The following JHY variants were observed in gnomAD, a reference collection of about 807,000 sequenced individuals.
The protein encoded by JHY is jhy protein homolog.
In JHY, 69 loss-of-function variants were observed where a neutral mutation model predicts 78.0. The ratio of observed to expected loss-of-function variants is 0.88; its 90% confidence interval spans 0.73 to 1.08. The LOEUF (loss-of-function observed/expected upper bound fraction) is 1.08, where lower values mean the gene tolerates loss of function less well. Ranked by LOEUF, JHY falls within the 50% of genes least tolerant of loss-of-function variation. The probability of loss-of-function intolerance (pLI) is 0.00; values close to 1 mark genes in which losing one functional copy is unlikely to be tolerated. For synonymous variants in JHY, 368 were observed against 342.6 expected, an observed-to-expected ratio of 1.07 and a Z score of -0.82; for missense variants, 944 against 927.8, an observed-to-expected ratio of 1.02 and a Z score of -0.23.
chr11:122,890,122 G>A (rs1462763914), intron 2 of JHY, among the ~76,000 whole-genome samples: 1 of 151,686 alleles, frequency 6.6e-6, no homozygotes, highest in Non-Finnish European at 1.5e-5. Flanking sequence ...GAATTGACAG[G>A]GTTTGGTGAC....
At chr11:122,925,186 C>T (rs1863470115) in intron 4 of JHY, among the ~76,000 whole-genome samples, 176 bp downstream of exon 4, 1 of 152,174 alleles carries the variant, frequency 6.6e-6, no homozygotes, top group African/African-American at 2.4e-5. Flanking sequence ...GCTCAGCCAG[C>T]CAACCCTACC....
chr11:122,941,217 A>G (rs947626809), intron 5 of JHY, among the ~76,000 whole-genome samples: 1 of 152,218 alleles, frequency 6.6e-6, no homozygotes, highest in Non-Finnish European at 1.5e-5. Context: ...TATTGCTTCT[A>G]GACTCAAGAT....
At chr11:122,955,105 A>G (rs974059396) in intron 6 of JHY, among the ~76,000 whole-genome samples, 4 of 152,146 alleles carry the variant, frequency 2.6e-5, no homozygotes, top group African/African-American at 9.7e-5. Context: ...GCGAGTCTAA[A>G]CTTCAGGGTT....
chr11:122,932,023 C>T (rs1219259917), intron 4 of JHY, among the ~76,000 whole-genome samples: 1 of 152,172 alleles, frequency 6.6e-6, no homozygotes, highest in Non-Finnish European at 1.5e-5. Context: ...TATGCAGCGA[C>T]TGCGGGTGTT....
intron 1 of JHY, among the ~76,000 whole-genome samples, chr11:122,884,974 A>ATT (rs11314367): frequency 7.6e-5 from 10 of 131,772 alleles, no homozygotes; most frequent in East Asian, 2.2e-4. Context: ...AATTTTTTGT[A>ATT]TTTTTTTTTT....
intron 6 of JHY, among the ~76,000 whole-genome samples, chr11:122,950,416 G>A (rs1864062906): frequency 6.6e-6 from 1 of 152,160 alleles, no homozygotes; most frequent in Admixed American, 6.5e-5. Context: ...GAATCTTCCA[G>A]GTTGGGGTTC....
chr11:122,913,502 C>T (rs191889206), intron 3 of JHY, among the ~76,000 whole-genome samples: 2 of 152,272 alleles, frequency 1.3e-5, no homozygotes, highest in African/African-American at 4.8e-5. Context: ...TAGCCTCATC[C>T]TTCATCAATC....
chr11:122,921,764 ACTTGAGT>A (rs1565321510), intron 3 of JHY, among the ~76,000 whole-genome samples: 1 of 152,154 alleles, frequency 6.6e-6, no homozygotes, highest in Non-Finnish European at 1.5e-5. Flanking sequence ...CAGGCCGATC[ACTTGAGT>A]CCATTAGTCT....
chr11:122,944,225 T>C (rs1863923417), intron 5 of JHY, among the ~76,000 whole-genome samples: 1 of 152,160 alleles, frequency 6.6e-6, no homozygotes, highest in African/African-American at 2.4e-5. Context: ...AAAAGCTACT[T>C]ACATTTATTG....
At chr11:122,929,233 G>GTTTT (rs1191384205) in intron 4 of JHY, among the ~76,000 whole-genome samples, 1 of 130,592 alleles carries the variant, frequency 7.7e-6, no homozygotes, top group African/African-American at 2.8e-5. Context: ...GGCCAAGGTT[G>GTTTT]TTTTTTGTTT....
chr11:122,901,331 A>G lies in JHY; in HGVS notation c.345-2594A>G, dbSNP rs190048318. ...GCAGGAGTGAATTTCAAGGCCTAGGACATTACTGTAAGCTACTGTGGACTT... is the reference window on the plus strand; with the variant it reads ...GCAGGAGTGAATTTCAAGGCCTAGGGCATTACTGTAAGCTACTGTGGACTT... On this transcript the variant is annotated intron_variant, in intron 2 of 8. Coordinates refer to ENST00000227349, the MANE Select transcript of JHY (RefSeq NM_024806.4). 1.8e-3 allele frequency among the ~76,000 whole-genome samples: 278 copies of G among 152,330 alleles called. 1 individual carries two copies. Among genetic ancestry groups the G allele is most frequent in the African/African-American group, 6.4e-3 (265 of 41,576 alleles).
intron 4 of JHY, among the ~76,000 whole-genome samples, chr11:122,926,187 CAAAAAAAAAAA>C (rs574945272): frequency 5.0e-5 from 2 of 40,082 alleles, no homozygotes; most frequent in South Asian, 1.9e-3. Context: ...GACTCCATCT[CAAAAAAAAAAA>C]AAAAAAAAGA....
At chr11:122,925,257 G>A (rs1719289304) in intron 4 of JHY, among the ~76,000 whole-genome samples, 1 of 152,144 alleles carries the variant, frequency 6.6e-6, no homozygotes, top group African/African-American at 2.4e-5. Context: ...CCAACATACT[G>A]AGTTAGAACC....
Position 122,934,981 on chromosome 11 carries a change from G to C in JHY, c.1540G>C (p.Val514Leu). ...VLLSQKGSQFVYHINTHGSTK... is the reference protein window; with the variant it reads ...VLLSQKGSQFLYHINTHGSTK... ...CCTGAGCCAGAAAGGCTCTCAGTTT[G>C]TTTATCACATAAATACTCATGGATC... The change falls in exon 5 of 9, where the codon GTT (valine) becomes CTT (leucine). Residue 514 changes from valine to leucine, a missense_variant. Val to Leu is a conservative substitution (Grantham distance 32). Transcript: ENST00000227349. The C allele has an allele frequency of 6.2e-7, 1 of 1,613,882 alleles. No individual in the cohort carries two copies.
chr11:122,905,888 A>G (rs553235592), intron 3 of JHY: 1 of 152,252 alleles, frequency 6.6e-6, no homozygotes, highest in African/African-American at 2.4e-5. Flanking sequence ...ATAAAAATAA[A>G]AAAAGAATGA....
chr11:122,888,269 G>A (rs529603206), intron 2 of JHY, among the ~76,000 whole-genome samples: 22 of 152,272 alleles, frequency 1.4e-4, no homozygotes, highest in African/African-American at 4.6e-4. Flanking sequence ...ATGCAGCAGC[G>A]TTTAAGGAAG....
chr11:122,924,904 A>G lies in JHY; in HGVS notation c.872A>G (p.Tyr291Cys). 6.2e-7 allele frequency: 1 copy of G among 1,612,850 alleles called. No individual in the cohort carries two copies. The highest frequency in any genetic ancestry group is 8.5e-7 in the Non-Finnish European group (1 of 1,178,964). ...TGTGTTTTACCTACCTAGATCTCCT[A>G]CCCCGTCAGAGTAACAGACAAGACG... ...RGESHPEQISYPVRVTDKTSI... is the reference protein window; with the variant it reads ...RGESHPEQISCPVRVTDKTSI... Residue 291 changes from tyrosine (Y) to cysteine (C), a missense_variant, in exon 4 of 9, where the codon TAC (tyrosine) becomes TGC (cysteine). Physicochemically the swap from Tyr to Cys is radical, Grantham distance 194 (BLOSUM62 -2). Coordinates refer to ENST00000227349, the MANE Select transcript of JHY (RefSeq NM_024806.4).
chr11:122,884,890 C>T (rs755551955), intron 1 of JHY, among the ~76,000 whole-genome samples: 8 of 151,972 alleles, frequency 5.3e-5, no homozygotes, highest in Non-Finnish European at 7.4e-5. Flanking sequence ...TCTGCCTGCC[C>T]GGCTCGAGTG....
At position 122,894,649 on chromosome 11, in the gene JHY, T is replaced by C. The variant is rs540908250; in HGVS notation, c.344+8456T>C. Reference sequence around the variant, plus strand: ...TTACATTGCAATTACAAACATGTCTTCTTTAGATAATTTTCATTTAACTCA... The same window carrying C: ...TTACATTGCAATTACAAACATGTCTCCTTTAGATAATTTTCATTTAACTCA... On this transcript the variant is annotated intron_variant, in intron 2 of 8. Coordinates refer to ENST00000227349, the MANE Select transcript of JHY (RefSeq NM_024806.4). 1.8e-4 allele frequency among the ~76,000 whole-genome samples: 28 copies of C among 152,364 alleles called. No individual in the cohort carries two copies. The South Asian group carries it at 5.8e-3, about 32-fold the overall frequency.
Sources: gnomAD v4.1 joint callset for allele counts (sites outside exome capture counted in the v4.1 genomes callset) on GRCh38, gnomAD v4.1.1 for gene constraint, MANE v1.5 for transcripts, NCBI Gene and HGNC (gene_info 2026-07-23, HGNC 2026-07-21) for gene names.